The following CADM2 variants were observed in gnomAD, a reference collection of about 807,000 sequenced individuals.
CADM2 encodes cell adhesion molecule 2, also known as immunoglobulin superfamily member 4D.
CADM2 carries 12 observed loss-of-function variants against 49.8 expected under a neutral mutation model. That is an observed-to-expected ratio of 0.24 (90% CI 0.15 to 0.39). CADM2 has a LOEUF of 0.39. CADM2 is among the 10% of genes least tolerant of loss of function. The pLI, the probability that CADM2 is intolerant of heterozygous loss-of-function variation, is 1.00. For missense variants in CADM2, 378 were observed against 492.3 expected (o/e 0.77, Z 2.20); for synonymous variants, 214 against 175.4 (o/e 1.22, Z -1.74).
intron 1 of CADM2, among the ~76,000 whole-genome samples, chr3:85,716,790 A>G (rs1044768422): frequency 1.2e-4 from 18 of 152,120 alleles, no homozygotes; most frequent in African/African-American, 3.9e-4. Flanking sequence ...CAGGTTTTCA[A>G]AGATCAGATG....
intron 1 of CADM2, among the ~76,000 whole-genome samples, chr3:85,438,879 G>T (rs939144087): frequency 6.6e-6 from 1 of 151,880 alleles, no homozygotes; most frequent in Non-Finnish European, 1.5e-5. Flanking sequence ...GTAGAAATAG[G>T]CTCTCACTAT....
intron 1 of CADM2, among the ~76,000 whole-genome samples, chr3:85,623,380 T>G (rs2064032124): frequency 6.6e-6 from 1 of 152,172 alleles, no homozygotes. Flanking sequence ...TAAATACGTT[T>G]ACTAGAGATT....
intron 8 of CADM2, among the ~76,000 whole-genome samples, chr3:86,061,363 G>A (rs575194222): frequency 1.3e-5 from 2 of 152,030 alleles, no homozygotes; most frequent in South Asian, 2.1e-4. Flanking sequence ...CACTCATATA[G>A]ACTAGAATGT....
intron 1 of CADM2, among the ~76,000 whole-genome samples, chr3:85,355,845 A>T (rs2031812037): frequency 1.3e-5 from 2 of 152,044 alleles, no homozygotes; most frequent in Admixed American, 6.6e-5. Context: ...TGGGCTAGTG[A>T]TGTATTTATT....
chr3:84,971,552 G>A (rs1276366657), intron 1 of CADM2, among the ~76,000 whole-genome samples: 2 of 151,742 alleles, frequency 1.3e-5, no homozygotes, highest in Non-Finnish European at 2.9e-5. Context: ...GTATTCTAGA[G>A]AGATAAGAAC....
At chr3:85,525,129 C>T (rs1367231749) in intron 1 of CADM2, among the ~76,000 whole-genome samples, 4 of 152,016 alleles carry the variant, frequency 2.6e-5, no homozygotes, top group Admixed American at 6.6e-5. Flanking sequence ...ACGTTCTGCA[C>T]GTGTATCCCA....
chr3:85,934,446 T>A (rs897036717), intron 6 of CADM2, among the ~76,000 whole-genome samples: 5 of 152,058 alleles, frequency 3.3e-5, no homozygotes, highest in Non-Finnish European at 7.4e-5. Context: ...TAAAAAAGTA[T>A]GATGAATGTG....
intron 1 of CADM2, among the ~76,000 whole-genome samples, chr3:85,064,355 T>G (rs909808947): frequency 2.6e-5 from 4 of 152,134 alleles, no homozygotes; most frequent in African/African-American, 9.6e-5. Context: ...GTTTCTTCTC[T>G]TCTTGTTTGA....
intron 1 of CADM2, among the ~76,000 whole-genome samples, chr3:85,287,604 T>C (rs1310449372): frequency 6.6e-6 from 1 of 152,110 alleles, no homozygotes; most frequent in Admixed American, 6.6e-5. Context: ...ACAAAGTCAT[T>C]ATTCTGATTG....
chr3:85,270,333 A>G (rs769864245), intron 1 of CADM2, among the ~76,000 whole-genome samples: 1 of 151,408 alleles, frequency 6.6e-6, no homozygotes, highest in Non-Finnish European at 1.5e-5. Flanking sequence ...GTTTGTCACC[A>G]TATCCATCTG....
intron 1 of CADM2, among the ~76,000 whole-genome samples, chr3:85,099,715 C>T (rs2037939967): frequency 6.6e-6 from 1 of 152,136 alleles, no homozygotes; most frequent in Admixed American, 6.5e-5. Flanking sequence ...GGTGATCCGC[C>T]CGCCTCAGCC....
chr3:85,873,706 G>A (rs556531429), intron 3 of CADM2, among the ~76,000 whole-genome samples: 1 of 151,970 alleles, frequency 6.6e-6, no homozygotes, highest in Admixed American at 6.6e-5. Flanking sequence ...AAAGTAGGAT[G>A]TCATTCTTCA....
At chr3:85,109,779 G>T (rs748282810) in intron 1 of CADM2, among the ~76,000 whole-genome samples, 3 of 151,870 alleles carry the variant, frequency 2.0e-5, no homozygotes, top group Non-Finnish European at 4.4e-5. Context: ...GACTTTATGT[G>T]CGATACTTGA....
chr3:85,373,111 A>T (rs1387890157), intron 1 of CADM2, among the ~76,000 whole-genome samples: 1 of 152,134 alleles, frequency 6.6e-6, no homozygotes, highest in Non-Finnish European at 1.5e-5. Context: ...TTTCAGCATT[A>T]ACTCAAAAGT....
chr3:85,431,693 C>T (rs2036672892), intron 1 of CADM2, among the ~76,000 whole-genome samples: 2 of 150,678 alleles, frequency 1.3e-5, no homozygotes, highest in South Asian at 4.2e-4. Context: ...TAATTTATCC[C>T]TAAGTGCAGG....
At chr3:85,407,408 A>C (rs945155901) in intron 1 of CADM2, among the ~76,000 whole-genome samples, 7 of 152,056 alleles carry the variant, frequency 4.6e-5, no homozygotes, top group African/African-American at 1.7e-4. Context: ...TTTTGTAGAT[A>C]CCTCGTTTCT....
At chr3:86,023,146 C>CAATA (rs139532248) in intron 8 of CADM2, among the ~76,000 whole-genome samples, 5,174 of 152,200 alleles carry the variant, frequency 0.034, 118 homozygotes, top group Middle Eastern at 0.095. Flanking sequence ...ATCAAAAATG[C>CAATA]AATGTGCTAC....
At chr3:85,999,985 A>C (rs1230739093) in intron 8 of CADM2, among the ~76,000 whole-genome samples, 2 of 152,302 alleles carry the variant, frequency 1.3e-5, no homozygotes, top group East Asian at 3.9e-4. Context: ...AGAGATGTTG[A>C]ATATATTGTT....
chr3:85,496,343 C>A (rs554734449), intron 1 of CADM2, among the ~76,000 whole-genome samples: 1 of 152,302 alleles, frequency 6.6e-6, no homozygotes, highest in East Asian at 1.9e-4. Context: ...TGGCCTCTTG[C>A]TGCATCCATG....
Sources: allele counts gnomAD v4.1 joint callset (sites outside exome capture counted in the v4.1 genomes callset), GRCh38; gene constraint gnomAD v4.1.1; transcripts MANE v1.5; gene names NCBI Gene and HGNC (gene_info 2026-07-23, HGNC 2026-07-21).